RAD51B: variants seen among roughly 807,000 people sequenced by gnomAD.
RAD51B encodes the protein RAD51 paralog B.
Under a neutral mutation model 42.2 loss-of-function variants are expected in RAD51B, and 38 were observed. The observed-to-expected ratio is 0.90, with a 90% CI of 0.70 to 1.18. The LOEUF (loss-of-function observed/expected upper bound fraction) is 1.18, where lower values mean the gene tolerates loss of function less well. RAD51B is among the 50% of genes most tolerant of loss of function. The probability of loss-of-function intolerance (pLI) is 0.00; values close to 1 mark genes in which losing one functional copy is unlikely to be tolerated. For missense variants in RAD51B, 373 were observed against 400.7 expected (o/e 0.93, Z 0.59); for synonymous variants, 154 against 145.2 (o/e 1.06, Z -0.43).
At chr14:68,556,670 G>A (rs1031333000) in intron 10 of RAD51B, among the ~76,000 whole-genome samples, 2 of 152,186 alleles carry the variant, frequency 1.3e-5, no homozygotes, top group Non-Finnish European at 2.9e-5. Flanking sequence ...TGGCCTCTCA[G>A]GAAACCCTAC....
At chr14:68,540,052 C>G in intron 10 of RAD51B, 1 of 408,824 alleles carries the variant, frequency 2.4e-6, no homozygotes, top group Non-Finnish European at 3.4e-6. Flanking sequence ...CTGGCATCCA[C>G]GGTGAGCAGC....
rs556023093 is a variant in RAD51B, at chr14:68,076,716, T to C, written c.756+189512T>C. On this transcript the variant is annotated intron_variant, in intron 7 of 10. Transcript: ENST00000471583. ...TCTTACTTGAAGAATATGTATGATA[T>C]TTTACATGTATTGAAACAGCTGTAA... 2.6e-5 allele frequency among the ~76,000 whole-genome samples: 4 copies of C among 152,338 alleles called. No homozygotes were observed. In the South Asian group the frequency reaches 8.3e-4, roughly 32 times the overall value.
At chr14:67,899,543 A>T (rs1348863482) in intron 7 of RAD51B, among the ~76,000 whole-genome samples, 1 of 152,194 alleles carries the variant, frequency 6.6e-6, no homozygotes, top group Non-Finnish European at 1.5e-5. Context: ...CTCCTTTTAA[A>T]ATTAAATTTT....
chr14:68,276,068 T>G (rs2139604974), intron 7 of RAD51B, among the ~76,000 whole-genome samples: 1 of 152,246 alleles, frequency 6.6e-6, no homozygotes, highest in Admixed American at 6.5e-5. Context: ...AAGAGCTCCT[T>G]TTTTGAGACA....
At chr14:68,430,465 T>A (rs1483636466) in intron 9 of RAD51B, among the ~76,000 whole-genome samples, 1 of 152,210 alleles carries the variant, frequency 6.6e-6, no homozygotes, top group Non-Finnish European at 1.5e-5. Context: ...GTCCTTCACA[T>A]CCCTTGGAAG....
At chr14:68,338,726 A>G in intron 8 of RAD51B, 1 of 400,316 alleles carries the variant, frequency 2.5e-6, no homozygotes, top group Non-Finnish European at 4.8e-6. Flanking sequence ...AACAGTGTAC[A>G]TTTAACCCAG....
At chr14:68,297,752 TA>T (rs1253577439) in intron 8 of RAD51B, among the ~76,000 whole-genome samples, 2 of 152,152 alleles carry the variant, frequency 1.3e-5, no homozygotes, top group African/African-American at 4.8e-5. Context: ...TTAATTGTCT[TA>T]AAATGATGAA....
chr14:67,890,579 T>G (rs1464682879), intron 7 of RAD51B, among the ~76,000 whole-genome samples: 1 of 151,256 alleles, frequency 6.6e-6, no homozygotes, highest in Non-Finnish European at 1.5e-5. Context: ...TCATCTAGCA[T>G]TAGGTATATC....
At chr14:67,836,763 C>A (rs1245626829) in intron 4 of RAD51B, among the ~76,000 whole-genome samples, 2 of 152,184 alleles carry the variant, frequency 1.3e-5, no homozygotes, top group African/African-American at 2.4e-5. Context: ...CTACACCTGG[C>A]CAACCTTTTG....
In RAD51B at chr14:68,367,667, C is replaced by T. The variant is rs1022908030; in HGVS notation, c.854-43757C>T. Among the ~76,000 whole-genome samples, 8 of 152,066 alleles carry T rather than the reference C, an allele frequency of 5.3e-5. No homozygotes were observed. In the South Asian group the frequency reaches 1.2e-3, roughly 24 times the overall value. The stretch of plus-strand genomic sequence containing the variant: ...GGAAAATAAAGAAGAGTATTCCAGG[C>T]GGAGGATACAACACTTGAAATAGTT... On this transcript the variant is annotated intron_variant, in intron 8 of 10. Transcript: ENST00000471583.
At chr14:67,925,530 C>G (rs1315484442) in intron 7 of RAD51B, among the ~76,000 whole-genome samples, 1 of 152,154 alleles carries the variant, frequency 6.6e-6, no homozygotes, top group Admixed American at 6.5e-5. Flanking sequence ...CTCAGCCTCC[C>G]AAAGTGCTGG....
At chr14:67,896,780 A>C (rs1179045002) in intron 7 of RAD51B, among the ~76,000 whole-genome samples, 1 of 152,206 alleles carries the variant, frequency 6.6e-6, no homozygotes, top group Non-Finnish European at 1.5e-5. Flanking sequence ...TAGTTCACTT[A>C]GTTAATACAG....
intron 1 of RAD51B, among the ~76,000 whole-genome samples, chr14:67,820,559 G>T (rs987626368): frequency 3.3e-5 from 5 of 152,086 alleles, no homozygotes; most frequent in African/African-American, 1.2e-4. Flanking sequence ...GAATTTACGT[G>T]CTCCGGTGGG....
intron 4 of RAD51B, among the ~76,000 whole-genome samples, chr14:67,836,879 ACT>A (rs2041262341): frequency 1.3e-5 from 2 of 152,052 alleles, no homozygotes; most frequent in Admixed American, 1.3e-4. Flanking sequence ...TTATCAATAC[ACT>A]CCTGAGGACT....
intron 7 of RAD51B, among the ~76,000 whole-genome samples, chr14:68,027,041 A>G (rs2075966947): frequency 1.3e-5 from 2 of 152,178 alleles, no homozygotes; most frequent in African/African-American, 4.8e-5. Context: ...TCTAGTTGAA[A>G]TGGATTCCCT....
intron 10 of RAD51B, among the ~76,000 whole-genome samples, chr14:68,521,112 T>A (rs1368564586): frequency 1.3e-5 from 2 of 152,096 alleles, no homozygotes; most frequent in Non-Finnish European, 2.9e-5. Flanking sequence ...CTGGATGAGG[T>A]CATAGGGATG....
At chr14:68,413,917 T>C (rs185959731) in intron 9 of RAD51B, among the ~76,000 whole-genome samples, 39 of 119,854 alleles carry the variant, frequency 3.3e-4, no homozygotes, top group African/African-American at 1.2e-3. Context: ...ATAACAGGTA[T>C]AGTTTTTTGT....
intron 7 of RAD51B, among the ~76,000 whole-genome samples, chr14:68,018,122 C>T (rs767509129): frequency 6.6e-6 from 1 of 152,216 alleles, no homozygotes; most frequent in Non-Finnish European, 1.5e-5. Flanking sequence ...GTCCCACATT[C>T]GTGTCTAAGC....
chr14:68,633,341 A>G (rs763501821), intron 10 of RAD51B, among the ~76,000 whole-genome samples: 1 of 152,074 alleles, frequency 6.6e-6, no homozygotes, highest in African/African-American at 2.4e-5. Context: ...CAGAGCTACA[A>G]CGCCAAGGCT....
Sources: gnomAD v4.1 joint callset for allele counts (sites outside exome capture counted in the v4.1 genomes callset) on GRCh38, gnomAD v4.1.1 for gene constraint, MANE v1.5 for transcripts, NCBI Gene and HGNC (gene_info 2026-07-23, HGNC 2026-07-21) for gene names.